GMDS: variants seen among roughly 807,000 people sequenced by gnomAD.
GMDS encodes GDP-mannose 4,6-dehydratase.
In GMDS, 20 loss-of-function variants were observed where a neutral mutation model predicts 49.9. That is an observed-to-expected ratio of 0.40 (90% CI 0.28 to 0.58). GMDS has a LOEUF of 0.58. Among genes scored for constraint, GMDS ranks in the 20% least tolerant of loss-of-function variants. The pLI is 0.42. For missense variants in GMDS, 362 were observed against 481.4 expected (o/e 0.75, Z 2.32); for synonymous variants, 177 against 178.6 (o/e 0.99, Z 0.07).
At chr6:2,019,148 G>A (rs1475806128) in intron 4 of GMDS, among the ~76,000 whole-genome samples, 1 of 150,242 alleles carries the variant, frequency 6.7e-6, no homozygotes, top group Admixed American at 6.7e-5. Flanking sequence ...TTTATATATT[G>A]ATCTAGTATC....
chr6:2,153,457 C>A (rs1776945985), intron 1 of GMDS, among the ~76,000 whole-genome samples: 1 of 151,932 alleles, frequency 6.6e-6, no homozygotes, highest in South Asian at 2.1e-4. Flanking sequence ...AACTAATGTC[C>A]AAATAAACAA....
At chr6:2,011,735 T>C (rs889070200) in intron 4 of GMDS, among the ~76,000 whole-genome samples, 1 of 152,160 alleles carries the variant, frequency 6.6e-6, no homozygotes, top group Non-Finnish European at 1.5e-5. Flanking sequence ...GGCAACATAA[T>C]GACACTCAGT....
At chr6:2,058,434 C>T (rs979936503) in intron 4 of GMDS, among the ~76,000 whole-genome samples, 14 of 151,304 alleles carry the variant, frequency 9.3e-5, no homozygotes, top group African/African-American at 2.4e-4. Context: ...CCAGTACGAG[C>T]GGTATCTAGC....
intron 9 of GMDS, among the ~76,000 whole-genome samples, chr6:1,648,669 T>C (rs1763559066): frequency 6.6e-6 from 1 of 152,272 alleles, no homozygotes; most frequent in Non-Finnish European, 1.5e-5. Flanking sequence ...GTTAGTTTCA[T>C]AATACTTTAA....
chr6:2,221,212 T>C (rs1462801388), intron 1 of GMDS, among the ~76,000 whole-genome samples: 2 of 152,116 alleles, frequency 1.3e-5, no homozygotes, highest in African/African-American at 2.4e-5. Context: ...AAACACAAAA[T>C]TGTGGCTCAA....
At chr6:2,107,085 C>T (rs1301690139) in intron 4 of GMDS, among the ~76,000 whole-genome samples, 1 of 152,098 alleles carries the variant, frequency 6.6e-6, no homozygotes, top group African/African-American at 2.4e-5. Flanking sequence ...TTTATAAACA[C>T]ATTAAGGGTG....
At chr6:2,067,777 C>T (rs903125051) in intron 4 of GMDS, among the ~76,000 whole-genome samples, 2 of 145,718 alleles carry the variant, frequency 1.4e-5, no homozygotes, top group African/African-American at 4.9e-5. Context: ...TAATCAATAG[C>T]TTACCAACCA....
chr6:1,673,912 C>T (rs772678222), intron 9 of GMDS, among the ~76,000 whole-genome samples: 10 of 124,224 alleles, frequency 8.0e-5, no homozygotes, highest in East Asian at 2.2e-4. Context: ...ATTGGATGAA[C>T]GTACCAGAAG....
rs537477350 is a variant in GMDS at position 1,834,102 on chromosome 6, T to C, written c.772-91516A>G. ...TCTAGTAGTTAAAGTTCAATCCTGG[T>C]AGGTTACGGATTTGCAGGTTAAAAT... is the stretch of plus-strand genomic sequence containing the variant. On this transcript the variant is annotated intron_variant, in intron 7 of 10. Transcript: ENST00000380815. 1.4e-4 allele frequency among the ~76,000 whole-genome samples: 22 copies of C among 152,278 alleles called. No individual in the cohort carries two copies. In the East Asian group the frequency reaches 3.5e-3, roughly 24 times the overall value.
intron 1 of GMDS, among the ~76,000 whole-genome samples, chr6:2,139,241 T>C (rs1205453486): frequency 6.6e-6 from 1 of 152,208 alleles, no homozygotes; most frequent in Non-Finnish European, 1.5e-5. Flanking sequence ...TAATTACTAA[T>C]GATAATGTAC....
rs567203661 is a variant in GMDS at position 2,185,676 on chromosome 6, C to G, written c.102+59645G>C. 2.6e-5 allele frequency among the ~76,000 whole-genome samples: 4 copies of G among 152,292 alleles called. No individual in the cohort carries two copies. In the South Asian group the frequency reaches 8.3e-4, roughly 32 times the overall value. On this transcript the variant is annotated intron_variant, in intron 1 of 10. Transcript: ENST00000380815. ...CTCAGATGAGCAGTTAAAAGAGCCA[C>G]CCAAGATGTAATCAATGCCTAAATA...
chr6:1,773,391 T>C (rs1768663671), intron 7 of GMDS, among the ~76,000 whole-genome samples: 1 of 152,020 alleles, frequency 6.6e-6, no homozygotes, highest in Non-Finnish European at 1.5e-5. Context: ...TTAGAATGTT[T>C]AGCGCTCAGC....
At chr6:1,938,110 C>T (rs73425577) in intron 6 of GMDS, among the ~76,000 whole-genome samples, 1,571 of 152,244 alleles carry the variant, frequency 0.01, 28 homozygotes, top group African/African-American at 0.036. Flanking sequence ...ACATTCCTTT[C>T]GTGAGCATAA....
At chr6:1,658,137 T>C (rs1763949931) in intron 9 of GMDS, among the ~76,000 whole-genome samples, 1 of 152,216 alleles carries the variant, frequency 6.6e-6, no homozygotes, top group Admixed American at 6.5e-5. Flanking sequence ...TTGAGGGTTA[T>C]TTGCCTTCAA....
chr6:2,145,571 T>C (rs901422905), intron 1 of GMDS, among the ~76,000 whole-genome samples: 1 of 146,882 alleles, frequency 6.8e-6, no homozygotes, highest in African/African-American at 2.5e-5. Flanking sequence ...ATAAATAAAA[T>C]AAAGAGACAA....
chr6:1,667,167 A>G (rs750912728), intron 9 of GMDS, among the ~76,000 whole-genome samples: 4 of 152,218 alleles, frequency 2.6e-5, no homozygotes, highest in Admixed American at 6.5e-5. Flanking sequence ...CTGTTAAGCA[A>G]TCTGCGAGAT....
intron 7 of GMDS, among the ~76,000 whole-genome samples, chr6:1,862,968 T>C (rs1581269518): frequency 2.0e-5 from 3 of 152,344 alleles, no homozygotes; most frequent in East Asian, 1.9e-4. Context: ...ACTAAAGGTA[T>C]AGATAATTCA....
At chr6:1,864,398 T>C (rs891779731) in intron 7 of GMDS, among the ~76,000 whole-genome samples, 2 of 152,216 alleles carry the variant, frequency 1.3e-5, no homozygotes, top group Non-Finnish European at 2.9e-5. Context: ...ATTAAAATTA[T>C]TGAGCTATTT....
At chr6:1,879,505 G>C (rs1310091874) in intron 7 of GMDS, among the ~76,000 whole-genome samples, 1 of 151,812 alleles carries the variant, frequency 6.6e-6, no homozygotes, top group Non-Finnish European at 1.5e-5. Context: ...AGCCAATATA[G>C]GCATTTTTAT....
Sources: gnomAD v4.1 joint callset for allele counts (sites outside exome capture counted in the v4.1 genomes callset) on GRCh38, gnomAD v4.1.1 for gene constraint, MANE v1.5 for transcripts, NCBI Gene and HGNC (gene_info 2026-07-23, HGNC 2026-07-21) for gene names.